The following RBM42 variants were observed in gnomAD, a reference collection of about 807,000 sequenced individuals.
RBM42 encodes the protein RNA-binding protein 42.
Under a neutral mutation model 41.4 loss-of-function variants are expected in RBM42, and 21 were observed. That is an observed-to-expected ratio of 0.51 (90% confidence interval 0.36 to 0.73). The LOEUF is 0.73. Among genes scored for constraint, RBM42 ranks in the 30% least tolerant of loss-of-function variants. The pLI is 0.00. For missense variants in RBM42, 539 were observed against 680.4 expected (o/e 0.79, Z 2.31); for synonymous variants, 272 against 271.2 (o/e 1.00, Z -0.03).
intron 1 of RBM42, 47 bp downstream of exon 1, chr19:35,629,328 C>T (rs1967363910): frequency 6.7e-7 from 1 of 1,488,854 alleles, no homozygotes; most frequent in African/African-American, 1.4e-5. Context: ...AGAGCCAGAG[C>T]CACCGAATCT....
Position 35,637,081 on chromosome 19 carries a change from A to G in RBM42, c.1136-77A>G. ...AGGCAGAGACTAGATACCTCCGAAAAGGTGGGATCGTTCAGACAAGGTAGA... is the reference window on the plus strand; with the variant it reads ...AGGCAGAGACTAGATACCTCCGAAAGGGTGGGATCGTTCAGACAAGGTAGA... On this transcript the variant is annotated intron_variant, in intron 8 of 9. Coordinates refer to ENST00000262633, the MANE Select transcript of RBM42 (RefSeq NM_024321.5). The surrounding 1 kb of genome is among the most constrained non-coding windows in gnomAD (Gnocchi z 7.0). 1 of 1,354,300 alleles carries G rather than the reference A, an allele frequency of 7.4e-7. No homozygotes were observed. Among genetic ancestry groups the G allele is most frequent in the Non-Finnish European group, 1.0e-6 (1 of 984,814 alleles). The allele number at this position is 1,354,300 out of a possible 1,614,324, so 83.9% of individuals were successfully genotyped here.
chr19:35,633,589 T>C (rs1299283694), intron 6 of RBM42, 98 bp from the exon 7 acceptor site: 4 of 1,218,570 alleles, frequency 3.3e-6, no homozygotes, highest in African/African-American at 3.2e-5. Context: ...TTGGCTGCTC[T>C]CTGGCCCCCA....
At chr19:35,631,670 C>G (rs894783880) in intron 4 of RBM42, 2 of 529,632 alleles carry the variant, frequency 3.8e-6, no homozygotes, top group Non-Finnish European at 6.7e-6. Flanking sequence ...TATATAATTT[C>G]TTATTTACTA....
rs1377668741 is a variant in RBM42, at chr19:35,631,191, C to T, written c.334C>T (p.Pro112Ser). 8.1e-6 allele frequency: 13 copies of T among 1,614,062 alleles called. No individual in the cohort carries two copies. The Admixed American group carries it at 1.7e-4, about 21-fold the overall frequency. ...AGCTGCTGCAGCCACAGTAGTTCCT[C>T]CCATGGTGGGTGGCCCTCCTTTTGT... Reference protein sequence around the residue: ...RAAAAATVVPPMVGGPPFVGP... With the variant: ...RAAAAATVVPSMVGGPPFVGP... Residue 112 changes from proline to serine, a missense_variant, in exon 3 of 10, where the codon CCC (proline) becomes TCC (serine). Coordinates refer to ENST00000262633, the MANE Select transcript of RBM42 (RefSeq NM_024321.5).
intron 7 of RBM42, 90 bp from the exon 8 acceptor site, chr19:35,634,166 C>A: frequency 6.4e-7 from 1 of 1,563,344 alleles, no homozygotes; most frequent in Non-Finnish European, 8.7e-7. Flanking sequence ...CACATCCAGC[C>A]CTTACTGTGG....
At position 35,637,262 on chromosome 19, in the gene RBM42, C is replaced by G; in HGVS notation, c.1240C>G (p.Arg414Gly). ...ATCCTTCCTTAAGGCCAAGGTGATC[C>G]GTGACAAGCGCACAGGCAAGACCAA... The part of the protein sequence containing the change: ...FPSFLKAKVI[R>G]DKRTGKTKGY... Residue 414 changes from arginine to glycine, a missense_variant, in exon 9 of 10, where the codon CGT becomes GGT. Arg to Gly is a moderately radical substitution (Grantham distance 125, BLOSUM62 -2). Coordinates refer to ENST00000262633, the MANE Select transcript of RBM42 (RefSeq NM_024321.5). This position sits in a 1 kb window ranked among gnomAD's most constrained non-coding sequence, Gnocchi z 7.0. 1 of 1,614,200 alleles carries G rather than the reference C, an allele frequency of 6.2e-7. No homozygotes were observed. Among genetic ancestry groups the G allele is most frequent in the Non-Finnish European group, 8.5e-7 (1 of 1,180,038 alleles).
Position 35,634,277 on chromosome 19 carries a change from G to C in RBM42, c.1039G>C (p.Asp347His). ...GCAGGTCCCAGAGCCCCTGGGTGAA[G>C]ACAAGAAGAAGGGGAAGCCAGAGAA... Reference protein sequence around the residue: ...ALEVPEPLGEDKKKGKPEKLK... With the variant: ...ALEVPEPLGEHKKKGKPEKLK... The change falls in exon 8 of 10, where the codon GAC (aspartate) becomes CAC (histidine). Residue 347 changes from aspartate (D) to histidine (H), a missense_variant. Coordinates refer to ENST00000262633, the MANE Select transcript of RBM42 (RefSeq NM_024321.5). 1 of 1,614,200 alleles carries C rather than the reference G, an allele frequency of 6.2e-7. No homozygotes were observed. The highest frequency in any genetic ancestry group is 8.5e-7 in the Non-Finnish European group (1 of 1,180,032).
chr19:35,636,153 G>GTT (rs548944915), intron 8 of RBM42, among the ~76,000 whole-genome samples: 35 of 138,206 alleles, frequency 2.5e-4, no homozygotes, highest in South Asian at 1.2e-3. Flanking sequence ...TTCTTCTTTT[G>GTT]TTTTTTTTTT....
chr19:35,629,236 A>G lies in RBM42; in HGVS notation c.83A>G (p.Lys28Arg). Residue 28 changes from lysine (K) to arginine (R), a missense_variant, in exon 1 of 10, where the codon AAA (lysine) becomes AGA (arginine). By Grantham distance (26) the Lys-to-Arg change is conservative. Around this residue, in one of 2 missense-constraint regions of RBM42, gnomAD observed 429 missense variants for 488.9 expected, o/e 0.88. Coordinates refer to ENST00000262633, the MANE Select transcript of RBM42 (RefSeq NM_024321.5). The stretch of plus-strand genomic sequence containing the variant: ...GGTCCTGGCGCTGGCATCCCGGGCA[A>G]AAGCGGCGAGGAACGCTTGAAGGAA... ...VPGPGAGIPG[K>R]SGEERLKEME... 6.5e-7 allele frequency: 1 copy of G among 1,537,402 alleles called. No homozygotes were observed. Among genetic ancestry groups the G allele is most frequent in the African/African-American group, 1.4e-5 (1 of 73,028 alleles).
At chr19:35,636,872 C>T (rs1398663890) in intron 8 of RBM42, among the ~76,000 whole-genome samples, 1 of 151,996 alleles carries the variant, frequency 6.6e-6, no homozygotes, top group African/African-American at 2.4e-5. Context: ...GAGCCAGATG[C>T]CTGAGCTCTT....
In RBM42 at chr19:35,633,180, C is replaced by A. The variant is rs781651486; in HGVS notation, c.612C>A (p.Pro204=). Residue 204 remains proline (P), a synonymous_variant, in exon 6 of 10, where the codon CCC becomes CCA. Coordinates refer to ENST00000262633, the MANE Select transcript of RBM42 (RefSeq NM_024321.5). ...CTCTGCCTGGGCCCCCTGGACCACC[C>A]ATGATGCTGCCACCAATGGCTCGGG... The part of the protein sequence containing the change: ...GPPLPGPPGP[P]MMLPPMARAP... 13 of 1,612,166 alleles carry A rather than the reference C, an allele frequency of 8.1e-6. No individual in the cohort carries two copies. The South Asian group carries it at 1.3e-4, about 16-fold the overall frequency.
chr19:35,630,495 C>T (rs571431151), intron 2 of RBM42, among the ~76,000 whole-genome samples: 3 of 149,300 alleles, frequency 2.0e-5, no homozygotes, highest in Admixed American at 6.6e-5. Flanking sequence ...TGGCCAGGCA[C>T]GGTTGCTCAC....
chr19:35,633,622 A>C (rs775958098), intron 6 of RBM42, 65 bp from the exon 7 acceptor site: 2 of 1,358,468 alleles, frequency 1.5e-6, no homozygotes, highest in Non-Finnish European at 1.9e-6. Context: ...GTTGGATGGA[A>C]TGGAGATGAC....
chr19:35,629,415 G>A, intron 1 of RBM42, 105 bp from the exon 2 acceptor site: 1 of 1,542,944 alleles, frequency 6.5e-7, no homozygotes, highest in Non-Finnish European at 8.8e-7. Context: ...TGTGGGGGCG[G>A]GGATAGGGGA....
At position 35,637,384 on chromosome 19, in the gene RBM42, G is replaced by T; in HGVS notation, c.1330+32G>T. 6.2e-7 allele frequency: 1 copy of T among 1,613,390 alleles called. No individual in the cohort carries two copies. Among genetic ancestry groups the T allele is most frequent in the East Asian group, 2.2e-5 (1 of 44,852 alleles). On this transcript the variant is annotated intron_variant, in intron 9 of 9. Transcript: ENST00000262633. The surrounding 1 kb of genome is among the most constrained non-coding windows in gnomAD (Gnocchi z 7.0). ...GCGGCCTCCCCTGGGAACTGCAGGC[G>T]CGGCAGGCGCTGGCCTAAGCCTGAC...
intron 1 of RBM42, 22 bp downstream of exon 1, chr19:35,629,303 G>A (rs781380837): frequency 1.3e-6 from 2 of 1,503,336 alleles, no homozygotes; most frequent in Non-Finnish European, 1.8e-6. Flanking sequence ...GACAGAGAGT[G>A]ATAAAAGTCG....
At chr19:35,629,365 G>T (rs1967364643) in intron 1 of RBM42, 84 bp downstream of exon 1, 1 of 1,499,588 alleles carries the variant, frequency 6.7e-7, no homozygotes. Context: ...CGATAGGCCG[G>T]AGATACGGCT....
At position 35,637,457 on chromosome 19, in the gene RBM42, C is replaced by G. The variant is rs759034522; in HGVS notation, c.1346C>G (p.Ser449Trp). Reference sequence around the variant, plus strand: ...GTCTCCACAGGGAAGTATGTGGGCTCGCGCCCCATCAAGCTTCGCAAGAGC... The same window carrying G: ...GTCTCCACAGGGAAGTATGTGGGCTGGCGCCCCATCAAGCTTCGCAAGAGC... ...MREMNGKYVG[S>W]RPIKLRKSMW... is the part of the protein sequence containing the mutation. The change falls in exon 10 of 10, where the codon TCG becomes TGG. Residue 449 changes from serine to tryptophan, a missense_variant. Ser to Trp is a radical substitution (Grantham distance 177). Around this residue, in one of 2 missense-constraint regions of RBM42, gnomAD observed 110 missense variants for 191.5 expected, o/e 0.57. Coordinates refer to ENST00000262633, the MANE Select transcript of RBM42 (RefSeq NM_024321.5). This position sits in a 1 kb window ranked among gnomAD's most constrained non-coding sequence, Gnocchi z 7.0. 1 of 1,614,224 alleles carries G rather than the reference C, an allele frequency of 6.2e-7. No individual in the cohort carries two copies. Among genetic ancestry groups the G allele is most frequent in the Non-Finnish European group, 8.5e-7 (1 of 1,180,026 alleles).
intron 3 of RBM42, 28 bp downstream of exon 3, chr19:35,631,252 G>T: frequency 6.2e-7 from 1 of 1,612,672 alleles, no homozygotes. Context: ...AGGTGAGGGG[G>T]TTGGGCAATC....
Sources: gnomAD v4.1 joint callset for allele counts (sites outside exome capture counted in the v4.1 genomes callset) on GRCh38, gnomAD v4.1.1 for gene constraint, gnomAD v4.1.1 regional missense constraint, Gnocchi (gnomAD v3.1) non-coding constraint, MANE v1.5 for transcripts, NCBI Gene and HGNC (gene_info 2026-07-23, HGNC 2026-07-21) for gene names.